Variants in EFCAB6 observed in about 807,000 individuals in gnomAD.
The protein encoded by EFCAB6 is EF-hand calcium-binding domain-containing protein 6.
A neutral mutation model predicts 169.8 loss-of-function variants in EFCAB6; 156 were observed. That is an observed-to-expected ratio of 0.92 (90% CI 0.81 to 1.05). The LOEUF is 1.05. Among genes scored for constraint, EFCAB6 ranks in the 50% least tolerant of loss-of-function variants. The pLI, the probability that EFCAB6 is intolerant of heterozygous loss-of-function variation, is 0.00. For missense variants in EFCAB6, 1,800 were observed against 1,829.1 expected, an observed-to-expected ratio of 0.98 and a Z score of 0.29; for synonymous variants, 698 against 676.4, an observed-to-expected ratio of 1.03 and a Z score of -0.50.
chr22:43,587,139 G>A (rs1347749004), intron 24 of EFCAB6, among the ~76,000 whole-genome samples: 1 of 152,116 alleles, frequency 6.6e-6, no homozygotes, highest in Non-Finnish European at 1.5e-5. Context: ...TAAAAGACTG[G>A]GAAGCAAGCA....
chr22:43,542,188 C>T (rs184788536), intron 27 of EFCAB6, among the ~76,000 whole-genome samples: 4 of 152,306 alleles, frequency 2.6e-5, no homozygotes, highest in South Asian at 2.1e-4. Flanking sequence ...TGACAGATGC[C>T]GTGAAAATGA....
chr22:43,579,665 C>T (rs762518567), intron 25 of EFCAB6, among the ~76,000 whole-genome samples: 6 of 143,696 alleles, frequency 4.2e-5, no homozygotes, highest in Non-Finnish European at 7.5e-5. Context: ...ATTCCGTACA[C>T]GTAGGCATCA....
chr22:43,746,116 G>A (rs886469151), intron 6 of EFCAB6, among the ~76,000 whole-genome samples: 1 of 152,134 alleles, frequency 6.6e-6, no homozygotes, highest in Non-Finnish European at 1.5e-5. Flanking sequence ...CTTCCAATCC[G>A]GGGACAAGCG....
At chr22:43,784,513 G>A (rs200972590) in intron 2 of EFCAB6, among the ~76,000 whole-genome samples, 17,062 of 50,234 alleles carry the variant, frequency 0.34, 2,727 homozygotes, top group East Asian at 0.61. Context: ...ATATATATAT[G>A]TGTGTGTGTG....
intron 17 of EFCAB6, among the ~76,000 whole-genome samples, chr22:43,650,775 G>A (rs956630165): frequency 6.6e-6 from 1 of 152,204 alleles, no homozygotes; most frequent in Non-Finnish European, 1.5e-5. Flanking sequence ...AGATGGAGAT[G>A]AGGCACTTGT....
chr22:43,725,148 T>TTTTTTTTTTTTTG, intron 8 of EFCAB6, among the ~76,000 whole-genome samples: 1 of 149,924 alleles, frequency 6.7e-6, no homozygotes, highest in Non-Finnish European at 1.5e-5. Flanking sequence ...TTTTTTTTTT[T>TTTTTTTTTTTTTG]TTTTTTTTTT....
At chr22:43,557,263 T>C (rs1032365286) in intron 26 of EFCAB6, among the ~76,000 whole-genome samples, 11 of 152,212 alleles carry the variant, frequency 7.2e-5, no homozygotes, top group African/African-American at 2.7e-4. Context: ...TATATGAATG[T>C]TCTCTGAAAG....
At position 43,667,175 on chromosome 22, in the gene EFCAB6, C is replaced by T. The variant is rs1468639186; in HGVS notation, c.1912G>A (p.Ala638Thr). The T allele has an allele frequency of 4.3e-6, 7 of 1,614,046 alleles. No homozygotes were observed. The highest frequency in any genetic ancestry group is 5.9e-6 in the Non-Finnish European group (7 of 1,179,988). Residue 638 changes from alanine to threonine, a missense_variant, in exon 17 of 32, where the codon GCA becomes ACA. Physicochemically the swap from Ala to Thr is moderately conservative, Grantham distance 58 (BLOSUM62 0). Transcript: ENST00000262726. ...FKKCIQQQDP[A>T]FKKRFLDFSK... is the part of the protein sequence containing the mutation. ...AAGTCAAGAAATCGTTTTTTGAATG[C>T]CGGGTCCTGCTGCTGTATACACTTT...
intron 24 of EFCAB6, among the ~76,000 whole-genome samples, chr22:43,585,498 A>C (rs2051003629): frequency 6.6e-6 from 1 of 152,212 alleles, no homozygotes; most frequent in Admixed American, 6.5e-5. Context: ...AATGTGTAAC[A>C]CCTGCATCAT....
intron 6 of EFCAB6, among the ~76,000 whole-genome samples, chr22:43,751,563 G>T (rs540006564): frequency 7.2e-5 from 11 of 152,348 alleles, no homozygotes; most frequent in African/African-American, 2.2e-4. Flanking sequence ...GGCAGACAGG[G>T]TGCATGAAAG....
intron 5 of EFCAB6, among the ~76,000 whole-genome samples, chr22:43,757,533 G>A (rs1335901411): frequency 6.6e-6 from 1 of 152,190 alleles, no homozygotes; most frequent in African/African-American, 2.4e-5. Context: ...GACAACAACA[G>A]CGAAACTCCA....
chr22:43,670,355 G>A (rs2057434686), intron 15 of EFCAB6, among the ~76,000 whole-genome samples: 1 of 152,174 alleles, frequency 6.6e-6, no homozygotes, highest in African/African-American at 2.4e-5. Context: ...CAAAAGTGCT[G>A]AGAACCACTG....
intron 25 of EFCAB6, among the ~76,000 whole-genome samples, chr22:43,577,752 C>T (rs889224604): frequency 3.3e-5 from 5 of 152,102 alleles, no homozygotes; most frequent in African/African-American, 1.2e-4. Flanking sequence ...AGAGGAGCCT[C>T]CTGCAAAGCT....
intron 20 of EFCAB6, among the ~76,000 whole-genome samples, chr22:43,616,626 T>C (rs1450971295): frequency 6.6e-6 from 1 of 152,110 alleles, no homozygotes; most frequent in Non-Finnish European, 1.5e-5. Context: ...ATTCGTGCCA[T>C]TGCACTCCAG....
intron 20 of EFCAB6, among the ~76,000 whole-genome samples, chr22:43,617,608 T>C (rs904804406): frequency 1.3e-5 from 2 of 152,222 alleles, no homozygotes; most frequent in Non-Finnish European, 2.9e-5. Context: ...TCCTCTCCTA[T>C]TGCCCAGCTT....
chr22:43,645,172 T>C (rs1017946068), intron 17 of EFCAB6, among the ~76,000 whole-genome samples: 3 of 152,250 alleles, frequency 2.0e-5, no homozygotes, highest in African/African-American at 7.2e-5. Flanking sequence ...TATTTGCTGC[T>C]GTTTAAGTTG....
At chr22:43,760,654 C>CCTT in intron 5 of EFCAB6, among the ~76,000 whole-genome samples, 1 of 105,528 alleles carries the variant, frequency 9.5e-6, no homozygotes, top group Admixed American at 1.1e-4. Flanking sequence ...GGAGTAGGTG[C>CCTT]ATTTTTTTTT....
At chr22:43,799,329 CCACA>C (rs112231545) in intron 2 of EFCAB6, among the ~76,000 whole-genome samples, 10,688 of 146,586 alleles carry the variant, frequency 0.073, 448 homozygotes, top group South Asian at 0.15. Flanking sequence ...GAATCTGTCT[CCACA>C]CACACACACA....
chr22:43,811,234 C>A (rs891758417), intron 1 of EFCAB6, among the ~76,000 whole-genome samples: 1 of 146,490 alleles, frequency 6.8e-6, no homozygotes, highest in Non-Finnish European at 1.5e-5. Flanking sequence ...GAGCTGGGAT[C>A]GCTGCACTCC....
Sources: gnomAD v4.1 joint callset for allele counts (sites outside exome capture counted in the v4.1 genomes callset) on GRCh38, gnomAD v4.1.1 for gene constraint, MANE v1.5 for transcripts, NCBI Gene and HGNC (gene_info 2026-07-23, HGNC 2026-07-21) for gene names.